PITPNC1: variants seen among roughly 807,000 people sequenced by gnomAD.
PITPNC1 encodes phosphatidylinositol transfer protein cytoplasmic 1.
PITPNC1 carries 18 observed loss-of-function variants against 44.7 expected under a neutral mutation model. The observed-to-expected ratio is 0.40, with a 90% CI of 0.28 to 0.60. The LOEUF (loss-of-function observed/expected upper bound fraction) is 0.60. Ranked by LOEUF, PITPNC1 falls within the 20% of genes least tolerant of loss-of-function variation. The pLI is 0.39. For missense variants in PITPNC1, 290 were observed against 418.4 expected (o/e 0.69, Z 2.68); for synonymous variants, 141 against 149.6 (o/e 0.94, Z 0.42).
chr17:67,622,668 T>G (rs1016882256), intron 5 of PITPNC1, among the ~76,000 whole-genome samples: 2 of 151,802 alleles, frequency 1.3e-5, no homozygotes, highest in Non-Finnish European at 2.9e-5. Context: ...TCACTTGAGG[T>G]CAGAAGTTCG....
At chr17:67,476,800 C>G (rs916947782) in intron 1 of PITPNC1, among the ~76,000 whole-genome samples, 1 of 151,970 alleles carries the variant, frequency 6.6e-6, no homozygotes, top group Middle Eastern at 3.2e-3. Context: ...TATGGATTAA[C>G]GGGGCCGGGC....
intron 6 of PITPNC1, among the ~76,000 whole-genome samples, chr17:67,660,506 T>C (rs1030237727): frequency 6.9e-5 from 10 of 145,356 alleles, no homozygotes; most frequent in Admixed American, 4.8e-4. Context: ...ATATATATTT[T>C]ATTTTATTTT....
At chr17:67,608,245 A>C (rs1215455137) in intron 5 of PITPNC1, among the ~76,000 whole-genome samples, 1 of 145,664 alleles carries the variant, frequency 6.9e-6, no homozygotes. Flanking sequence ...AAAAAAAAAA[A>C]ACAAAAAAAA....
At chr17:67,497,310 C>G (rs1201943071) in intron 1 of PITPNC1, among the ~76,000 whole-genome samples, 1 of 151,110 alleles carries the variant, frequency 6.6e-6, no homozygotes, top group African/African-American at 2.4e-5. Context: ...ACCTCCGATT[C>G]CCCAGCCTCA....
chr17:67,432,379 T>A lies in PITPNC1; in HGVS notation c.48+54177T>A, dbSNP rs545816019. 5.9e-5 allele frequency among the ~76,000 whole-genome samples: 9 copies of A among 152,158 alleles called. No individual in the cohort carries two copies. In the South Asian group the frequency reaches 1.0e-3, roughly 18 times the overall value. ...GGTGGGCACCTGTAGTCCCAGCTAC[T>A]CGGGAGGCTGAGGCAGGAGAATGGC... On this transcript the variant is annotated intron_variant, in intron 1 of 8. Transcript: ENST00000581322.
At chr17:67,640,293 GA>G (rs796415857) in intron 6 of PITPNC1, among the ~76,000 whole-genome samples, 1 of 152,278 alleles carries the variant, frequency 6.6e-6, no homozygotes, top group South Asian at 2.1e-4. Context: ...GCCTGCAAAG[GA>G]GACACAAGAG....
intron 1 of PITPNC1, among the ~76,000 whole-genome samples, chr17:67,462,225 CTTTTTTTTTTTTT>C (rs549707875): frequency 1.4e-5 from 1 of 71,256 alleles, no homozygotes; most frequent in East Asian, 3.7e-4. Flanking sequence ...TTCTTTCTTT[CTTTTTTTTTTTTT>C]TTTTTTTTTC....
At chr17:67,452,889 G>A (rs1196872305) in intron 1 of PITPNC1, among the ~76,000 whole-genome samples, 4 of 152,192 alleles carry the variant, frequency 2.6e-5, no homozygotes, top group East Asian at 1.9e-4. Flanking sequence ...ACATATGAGC[G>A]TTTTGGGTTT....
chr17:67,555,519 G>A (rs2040824116), intron 4 of PITPNC1, among the ~76,000 whole-genome samples: 1 of 151,966 alleles, frequency 6.6e-6, no homozygotes, highest in South Asian at 2.1e-4. Context: ...TCTGGCAACT[G>A]CATAATCATC....
At chr17:67,422,351 G>A (rs575059950) in intron 1 of PITPNC1, among the ~76,000 whole-genome samples, 3 of 152,106 alleles carry the variant, frequency 2.0e-5, no homozygotes, top group African/African-American at 4.8e-5. Context: ...TTATTAGGCC[G>A]TGGACAAGTC....
At chr17:67,537,901 G>A (rs769365538) in intron 2 of PITPNC1, among the ~76,000 whole-genome samples, 24 of 151,910 alleles carry the variant, frequency 1.6e-4, no homozygotes, top group Non-Finnish European at 1.3e-4. Context: ...GAACCCGCTA[G>A]GTGGTGGTTG....
At chr17:67,501,920 G>C (rs1044461815) in intron 1 of PITPNC1, among the ~76,000 whole-genome samples, 1 of 152,172 alleles carries the variant, frequency 6.6e-6, no homozygotes, top group Admixed American at 6.5e-5. Flanking sequence ...TGCTTTGTCG[G>C]TGCCTCAGTT....
At chr17:67,569,695 C>T (rs2934574) in intron 4 of PITPNC1, among the ~76,000 whole-genome samples, 11,411 of 152,166 alleles carry the variant, frequency 0.075, 769 homozygotes, top group African/African-American at 0.18. Flanking sequence ...CTCTGGCTTA[C>T]GTGGATCTAA....
At chr17:67,621,029 G>A (rs1052758706) in intron 5 of PITPNC1, among the ~76,000 whole-genome samples, 2 of 151,912 alleles carry the variant, frequency 1.3e-5, no homozygotes, top group African/African-American at 4.8e-5. Context: ...GCACGATGTG[G>A]GGTTGGATTC....
intron 1 of PITPNC1, among the ~76,000 whole-genome samples, chr17:67,523,807 G>C (rs7223615): frequency 0.16 from 19,953 of 125,696 alleles, 2,637 homozygotes; most frequent in Middle Eastern, 0.25. Context: ...CATGGAAACC[G>C]TTTTTTTTTT....
intron 1 of PITPNC1, among the ~76,000 whole-genome samples, chr17:67,406,704 A>G (rs964511713): frequency 6.6e-6 from 1 of 151,618 alleles, no homozygotes; most frequent in Non-Finnish European, 1.5e-5. Flanking sequence ...CTCCTGCCTC[A>G]GCCTCCCGAG....
intron 1 of PITPNC1, among the ~76,000 whole-genome samples, chr17:67,513,318 A>G (rs1339694092): frequency 2.6e-5 from 4 of 151,274 alleles, no homozygotes; most frequent in Middle Eastern, 6.8e-3. Flanking sequence ...AGATCCCACC[A>G]CTGCACTCCA....
At chr17:67,617,691 G>C (rs2041777777) in intron 5 of PITPNC1, among the ~76,000 whole-genome samples, 1 of 152,150 alleles carries the variant, frequency 6.6e-6, no homozygotes, top group African/African-American at 2.4e-5. Context: ...AGCCTCTGGT[G>C]GCTCCAGGCG....
At chr17:67,575,074 TCA>T (rs1491305200) in intron 4 of PITPNC1, among the ~76,000 whole-genome samples, 2 of 150,012 alleles carry the variant, frequency 1.3e-5, no homozygotes, top group African/African-American at 4.9e-5. Flanking sequence ...TAAAAACTCC[TCA>T]CAGTGTTCCA....
Sources: allele counts gnomAD v4.1 joint callset (sites outside exome capture counted in the v4.1 genomes callset), GRCh38; gene constraint gnomAD v4.1.1; transcripts MANE v1.5; gene names NCBI Gene and HGNC (gene_info 2026-07-23, HGNC 2026-07-21).